PAPPA: variants seen among roughly 807,000 people sequenced by gnomAD.
PAPPA encodes the protein pappalysin-1.
In PAPPA, 60 loss-of-function variants were observed where a neutral mutation model predicts 164.0. That is an observed-to-expected ratio of 0.37 (90% confidence interval 0.30 to 0.45). The LOEUF (loss-of-function observed/expected upper bound fraction) is 0.45, where lower values mean the gene tolerates loss of function less well. Ranked by LOEUF, PAPPA falls within the 20% of genes least tolerant of loss-of-function variation. PAPPA has a pLI of 1.00. For synonymous variants in PAPPA, 875 were observed against 814.1 expected (o/e 1.07, Z -1.27); for missense variants, 1,782 against 2,087.3 (o/e 0.85, Z 2.85).
At chr9:116,363,087 T>C (rs560483333) in intron 18 of PAPPA, among the ~76,000 whole-genome samples, 87 of 152,310 alleles carry the variant, frequency 5.7e-4, no homozygotes, top group African/African-American at 2.1e-3. Flanking sequence ...ACTCTGTGGC[T>C]GAGGAGCAGG....
intron 6 of PAPPA, 117 bp downstream of exon 6, chr9:116,227,669 TAAC>T: frequency 9.0e-7 from 1 of 1,110,318 alleles, no homozygotes; most frequent in Non-Finnish European, 1.3e-6. Context: ...TTCATTTGAG[TAAC>T]ATCATCCTGC....
chr9:116,330,437 TACTCAATAA>T (rs935414101), intron 10 of PAPPA, among the ~76,000 whole-genome samples: 32 of 152,346 alleles, frequency 2.1e-4, no homozygotes, highest in Middle Eastern at 3.4e-3. Flanking sequence ...AAGCAATAGT[TACTCAATAA>T]ATATCATTTG....
At chr9:116,294,664 C>G (rs941549719) in intron 9 of PAPPA, among the ~76,000 whole-genome samples, 1 of 152,170 alleles carries the variant, frequency 6.6e-6, no homozygotes, top group Non-Finnish European at 1.5e-5. Flanking sequence ...CGTTTAAGTA[C>G]AAAGATCACG....
At chr9:116,260,234 A>T (rs1037275805) in intron 7 of PAPPA, among the ~76,000 whole-genome samples, 3 of 152,222 alleles carry the variant, frequency 2.0e-5, no homozygotes, top group African/African-American at 7.2e-5. Context: ...AAAACAAAAG[A>T]TATGAAGAAA....
At chr9:116,375,293 AT>A (rs1157393124) in intron 19 of PAPPA, among the ~76,000 whole-genome samples, 1 of 152,256 alleles carries the variant, frequency 6.6e-6, no homozygotes, top group Non-Finnish European at 1.5e-5. Flanking sequence ...AAGCAGTAAG[AT>A]GCAAGACAGT....
chr9:116,300,040 G>A (rs1197865702), intron 9 of PAPPA, among the ~76,000 whole-genome samples: 2 of 152,088 alleles, frequency 1.3e-5, no homozygotes, highest in Admixed American at 6.6e-5. Context: ...TTGGGTTTCT[G>A]AAGAGTAAAG....
At chr9:116,394,057 T>TACAG (rs1356105130) in intron 21 of PAPPA, among the ~76,000 whole-genome samples, 1 of 152,142 alleles carries the variant, frequency 6.6e-6, no homozygotes, top group African/African-American at 2.4e-5. Context: ...GGGAAAGTGT[T>TACAG]ACAGACAGAA....
chr9:116,296,376 T>C (rs185284477), intron 9 of PAPPA, among the ~76,000 whole-genome samples: 1 of 152,350 alleles, frequency 6.6e-6, no homozygotes, highest in East Asian at 1.9e-4. Flanking sequence ...CGTTGTTACC[T>C]TTCATTTGTT....
At chr9:116,364,643 G>T (rs1240064457) in intron 18 of PAPPA, among the ~76,000 whole-genome samples, 1 of 151,972 alleles carries the variant, frequency 6.6e-6, no homozygotes, top group Non-Finnish European at 1.5e-5. Flanking sequence ...ACAGAAAGAC[G>T]CACAAAAGGC....
At chr9:116,244,782 A>C (rs1181874085) in intron 7 of PAPPA, among the ~76,000 whole-genome samples, 1 of 152,178 alleles carries the variant, frequency 6.6e-6, no homozygotes, top group Non-Finnish European at 1.5e-5. Flanking sequence ...TACAAATAGA[A>C]CTACTGTTTG....
intron 9 of PAPPA, among the ~76,000 whole-genome samples, chr9:116,297,214 A>T (rs1203824982): frequency 6.6e-6 from 1 of 152,200 alleles, no homozygotes; most frequent in Non-Finnish European, 1.5e-5. Flanking sequence ...TAAGATTTGT[A>T]TGTCAGGTAG....
rs556922844 is a variant in PAPPA at position 116,222,167 on chromosome 9, C to T, written c.2111+2038C>T. On this transcript the variant is annotated intron_variant, in intron 5 of 21. Transcript: ENST00000328252. ...TTAGTATGCCAAAGAGATTGCTACACTCCCATGTTCACTGTACATTATTCA... is the reference window on the plus strand; with the variant it reads ...TTAGTATGCCAAAGAGATTGCTACATTCCCATGTTCACTGTACATTATTCA... Among the ~76,000 whole-genome samples the T allele has an allele frequency of 3.3e-5, 5 of 152,330 alleles. No individual in the cohort carries two copies. In the East Asian group the frequency reaches 5.8e-4, roughly 18 times the overall value.
At chr9:116,258,081 G>T (rs983584723) in intron 7 of PAPPA, among the ~76,000 whole-genome samples, 1 of 151,888 alleles carries the variant, frequency 6.6e-6, no homozygotes, top group Non-Finnish European at 1.5e-5. Flanking sequence ...TATAAAAGAA[G>T]ACCTAAATAA....
intron 21 of PAPPA, among the ~76,000 whole-genome samples, chr9:116,389,323 G>C (rs1846859505): frequency 6.6e-6 from 1 of 151,992 alleles, no homozygotes; most frequent in Admixed American, 6.6e-5. Flanking sequence ...AGTAGAGACG[G>C]GGTTTCACCA....
chr9:116,301,578 G>C (rs1845579682), intron 9 of PAPPA, among the ~76,000 whole-genome samples: 1 of 152,168 alleles, frequency 6.6e-6, no homozygotes, highest in Admixed American at 6.5e-5. Flanking sequence ...AACATGCATA[G>C]GTCACACCTA....
chr9:116,171,117 G>A (rs1247964309), intron 1 of PAPPA, among the ~76,000 whole-genome samples: 1 of 152,146 alleles, frequency 6.6e-6, no homozygotes, highest in Non-Finnish European at 1.5e-5. Flanking sequence ...AGCAGGTACT[G>A]GAAAAACAAT....
intron 9 of PAPPA, among the ~76,000 whole-genome samples, chr9:116,288,419 C>CTCCG (rs1399441202): frequency 4.3e-5 from 3 of 69,880 alleles, no homozygotes; most frequent in Non-Finnish European, 9.1e-5. Flanking sequence ...TTATTTCTGT[C>CTCCG]TCCCTCCCTC....
At chr9:116,331,554 TG>T (rs1448507841) in intron 11 of PAPPA, among the ~76,000 whole-genome samples, 197 bp downstream of exon 11, 1 of 152,244 alleles carries the variant, frequency 6.6e-6, no homozygotes, top group East Asian at 1.9e-4. Flanking sequence ...ACTGAGCTCT[TG>T]TTTTAGCAAA....
intron 5 of PAPPA, among the ~76,000 whole-genome samples, chr9:116,220,650 A>G (rs1443195482): frequency 6.6e-6 from 1 of 151,854 alleles, no homozygotes; most frequent in African/African-American, 2.4e-5. Flanking sequence ...GCACTTTGGG[A>G]GGCCAAGGTG....
Sources: allele counts gnomAD v4.1 joint callset (sites outside exome capture counted in the v4.1 genomes callset), GRCh38; gene constraint gnomAD v4.1.1; transcripts MANE v1.5; gene names NCBI Gene and HGNC (gene_info 2026-07-23, HGNC 2026-07-21).